The following HSD17B2 variants were observed in gnomAD, a reference collection of about 807,000 sequenced individuals.
HSD17B2 encodes 17-beta-hydroxysteroid dehydrogenase type 2.
Under a neutral mutation model 26.9 loss-of-function variants are expected in HSD17B2, and 32 were observed. The ratio of observed to expected loss-of-function variants is 1.19; its 90% CI spans 0.90 to 1.60. HSD17B2 has a LOEUF of 1.60. Ranked by LOEUF, HSD17B2 falls within the 40% of genes most tolerant of loss-of-function variation. HSD17B2 has a pLI of 0.00. For missense variants in HSD17B2, 613 were observed against 468.6 expected (o/e 1.31, Z -2.85); for synonymous variants, 246 against 186.7 (o/e 1.32, Z -2.59).
intron 3 of HSD17B2, among the ~76,000 whole-genome samples, chr16:82,074,046 A>G (rs780645943): frequency 6.6e-6 from 1 of 152,108 alleles, no homozygotes; most frequent in Non-Finnish European, 1.5e-5. Flanking sequence ...GAAATAAAAC[A>G]ATACACCTAC....
At chr16:82,060,189 T>G (rs1050770119) in intron 1 of HSD17B2, among the ~76,000 whole-genome samples, 7 of 152,178 alleles carry the variant, frequency 4.6e-5, no homozygotes, top group African/African-American at 1.7e-4. Flanking sequence ...ATTGCCTAAG[T>G]CTTAAACTAA....
chr16:82,070,185 C>T (rs535506723), intron 2 of HSD17B2, among the ~76,000 whole-genome samples: 3 of 152,250 alleles, frequency 2.0e-5, no homozygotes, highest in Admixed American at 2.0e-4. Context: ...TCTCCTGCAT[C>T]CCACAGCTCA....
chr16:82,065,627 C>T (rs528767206), intron 1 of HSD17B2, among the ~76,000 whole-genome samples: 1 of 152,298 alleles, frequency 6.6e-6, no homozygotes, highest in Non-Finnish European at 1.5e-5. Context: ...TTAACTCCAA[C>T]CTGGTTCAAA....
intron 3 of HSD17B2, among the ~76,000 whole-genome samples, chr16:82,086,578 G>T (rs1904532978): frequency 6.6e-6 from 1 of 152,194 alleles, no homozygotes; most frequent in African/African-American, 2.4e-5. Flanking sequence ...ATAGTTCACA[G>T]AGGCATTCGG....
chr16:82,058,240 T>A (rs1914332321), intron 1 of HSD17B2, among the ~76,000 whole-genome samples: 2 of 151,924 alleles, frequency 1.3e-5, no homozygotes, highest in Non-Finnish European at 2.9e-5. Context: ...CTGGCTAATT[T>A]TTAAATTATT....
intron 3 of HSD17B2, among the ~76,000 whole-genome samples, chr16:82,079,389 C>CT (rs1165934049): frequency 6.6e-6 from 1 of 152,140 alleles, no homozygotes; most frequent in Non-Finnish European, 1.5e-5. Flanking sequence ...AGATGACTAC[C>CT]TTTTTGCTGT....
rs138181413 is a variant in HSD17B2, at chr16:82,065,180, C to A, written c.266-2990C>A. Among the ~76,000 whole-genome samples, 281 of 152,280 alleles carry A rather than the reference C, an allele frequency of 1.8e-3. 2 individuals carry two copies. The highest frequency in any genetic ancestry group is 6.1e-3 in the African/African-American group (252 of 41,570). On this transcript the variant is annotated intron_variant, in intron 1 of 4. Transcript: ENST00000199936. ...AGGCCAAAGGAAGGATTGGAAAGTG[C>A]AAAGTTCATGATTCTCAGGTGGATT... is the stretch of plus-strand genomic sequence containing the variant.
intron 1 of HSD17B2, among the ~76,000 whole-genome samples, chr16:82,066,337 G>A (rs140328450): frequency 2.6e-5 from 4 of 152,118 alleles, no homozygotes; most frequent in African/African-American, 4.8e-5. Context: ...AACCAGAGGC[G>A]TTCATCTCAT....
At chr16:82,038,158 T>C (rs1456365817) in intron 1 of HSD17B2, among the ~76,000 whole-genome samples, 1 of 152,162 alleles carries the variant, frequency 6.6e-6, no homozygotes, top group Non-Finnish European at 1.5e-5. Flanking sequence ...ATGACTTTTT[T>C]CTCCCCTTTG....
chr16:82,052,884 A>G (rs1914150847), intron 1 of HSD17B2, among the ~76,000 whole-genome samples: 1 of 152,220 alleles, frequency 6.6e-6, no homozygotes, highest in African/African-American at 2.4e-5. Context: ...ACTGAAGAGC[A>G]TGGTACTGGC....
intron 4 of HSD17B2, chr16:82,097,789 A>C (rs886098841): frequency 8.2e-5 from 17 of 206,560 alleles, no homozygotes; most frequent in Non-Finnish European, 1.3e-4. Context: ...AAATATAAAA[A>C]TTAGCCGGGC....
intron 3 of HSD17B2, among the ~76,000 whole-genome samples, chr16:82,082,242 C>A (rs984327703): frequency 1.3e-5 from 2 of 152,082 alleles, no homozygotes; most frequent in Non-Finnish European, 2.9e-5. Flanking sequence ...CACACCTTCT[C>A]CTGACCTTCT....
intron 1 of HSD17B2, among the ~76,000 whole-genome samples, chr16:82,039,335 G>C (rs1229503691): frequency 1.9e-5 from 1 of 51,814 alleles, no homozygotes; most frequent in Admixed American, 4.0e-4. Context: ...GCAGATGAGA[G>C]AGAGAGAGAG....
At chr16:82,060,576 A>T (rs958553523) in intron 1 of HSD17B2, among the ~76,000 whole-genome samples, 1 of 152,196 alleles carries the variant, frequency 6.6e-6, no homozygotes, top group Admixed American at 6.5e-5. Flanking sequence ...AATTTTTGCA[A>T]AATTCATTGT....
intron 3 of HSD17B2, among the ~76,000 whole-genome samples, chr16:82,079,890 A>G (rs1259267518): frequency 6.6e-6 from 1 of 152,194 alleles, no homozygotes; most frequent in African/African-American, 2.4e-5. Flanking sequence ...CTTTGGAAAC[A>G]TGCTTATCTG....
intron 3 of HSD17B2, among the ~76,000 whole-genome samples, chr16:82,075,249 A>G (rs1334354105): frequency 1.3e-5 from 2 of 152,198 alleles, no homozygotes; most frequent in African/African-American, 4.8e-5. Context: ...TTAAAAAAGT[A>G]GAAACACTTC....
chr16:82,086,414 A>C (rs1904528726), intron 3 of HSD17B2, among the ~76,000 whole-genome samples: 1 of 152,176 alleles, frequency 6.6e-6, no homozygotes, highest in African/African-American at 2.4e-5. Context: ...AAGCTTCAGA[A>C]TGGTAACTTC....
intron 1 of HSD17B2, among the ~76,000 whole-genome samples, chr16:82,059,033 G>A (rs111832058): frequency 3.9e-5 from 6 of 152,292 alleles, no homozygotes; most frequent in African/African-American, 1.4e-4. Context: ...CAGCCCAAGA[G>A]AGTCCGTACT....
intron 2 of HSD17B2, among the ~76,000 whole-genome samples, chr16:82,069,951 G>A (rs1263527476): frequency 6.6e-6 from 1 of 152,102 alleles, no homozygotes; most frequent in Non-Finnish European, 1.5e-5. Flanking sequence ...GGCATCATTA[G>A]TTTATAAAGC....
Sources: gnomAD v4.1 joint callset for allele counts (sites outside exome capture counted in the v4.1 genomes callset) on GRCh38, gnomAD v4.1.1 for gene constraint, MANE v1.5 for transcripts, NCBI Gene and HGNC (gene_info 2026-07-23, HGNC 2026-07-21) for gene names.